YAP1: variants seen among roughly 807,000 people sequenced by gnomAD.
YAP1 encodes Yes1 associated transcriptional regulator.
Under a neutral mutation model 56.9 loss-of-function variants are expected in YAP1, and 5 were observed. The ratio of observed to expected loss-of-function variants is 0.09; its 90% confidence interval spans 0.05 to 0.18. The LOEUF (loss-of-function observed/expected upper bound fraction) is 0.18. YAP1 is among the 10% of genes least tolerant of loss of function. The pLI, the probability that YAP1 is intolerant of heterozygous loss-of-function variation, is 1.00. For synonymous variants in YAP1, 265 were observed against 248.1 expected (o/e 1.07, Z -0.64); for missense variants, 539 against 651.8 (o/e 0.83, Z 1.88).
At chr11:102,124,713 C>G (rs1382786796) in intron 2 of YAP1, among the ~76,000 whole-genome samples, 4 of 151,778 alleles carry the variant, frequency 2.6e-5, no homozygotes, top group African/African-American at 9.7e-5. Context: ...TTTAATTTTT[C>G]TGTTGATTTT....
intron 2 of YAP1, among the ~76,000 whole-genome samples, chr11:102,143,987 A>G (rs897790854): frequency 2.0e-5 from 3 of 152,216 alleles, no homozygotes; most frequent in Non-Finnish European, 4.4e-5. Flanking sequence ...AAAGACGTGT[A>G]AAGAAAACTA....
chr11:102,158,766 A>C (rs1008610253), intron 2 of YAP1, among the ~76,000 whole-genome samples: 4 of 152,354 alleles, frequency 2.6e-5, no homozygotes, highest in Middle Eastern at 3.4e-3. Flanking sequence ...ATAATCCTAA[A>C]CTTTGAAGAT....
chr11:102,137,549 T>C (rs73577900), intron 2 of YAP1, among the ~76,000 whole-genome samples: 12,322 of 152,256 alleles, frequency 0.081, 809 homozygotes, highest in African/African-American at 0.17. Context: ...TTTCATAAAC[T>C]TTTGAGAAAA....
At chr11:102,161,370 A>ACT (rs1946277467) in intron 2 of YAP1, among the ~76,000 whole-genome samples, 1 of 151,558 alleles carries the variant, frequency 6.6e-6, no homozygotes, top group African/African-American at 2.4e-5. Context: ...ACACACACAC[A>ACT]CACACACACA....
intron 6 of YAP1, among the ~76,000 whole-genome samples, chr11:102,216,397 C>CA (rs1353167187): frequency 2.0e-5 from 3 of 151,962 alleles, no homozygotes; most frequent in Non-Finnish European, 4.4e-5. Flanking sequence ...AATGTTTAAT[C>CA]AAAAATATAT....
At chr11:102,157,055 G>A (rs1334551498) in intron 2 of YAP1, among the ~76,000 whole-genome samples, 1 of 152,124 alleles carries the variant, frequency 6.6e-6, no homozygotes, top group Non-Finnish European at 1.5e-5. Flanking sequence ...TTGCTTTTAT[G>A]TATTTCTGCT....
At chr11:102,132,099 CAG>C (rs1028117634) in intron 2 of YAP1, among the ~76,000 whole-genome samples, 2 of 151,948 alleles carry the variant, frequency 1.3e-5, no homozygotes, top group Admixed American at 1.3e-4. Context: ...GCCTGGGCAA[CAG>C]AGCGAGACCC....
At chr11:102,166,248 A>G (rs563408805) in intron 3 of YAP1, among the ~76,000 whole-genome samples, 2 of 152,328 alleles carry the variant, frequency 1.3e-5, no homozygotes, top group Admixed American at 6.5e-5. Context: ...TCAAGTGCTG[A>G]GGGTACTGAT....
intron 2 of YAP1, among the ~76,000 whole-genome samples, chr11:102,119,851 AGCTT>A (rs1943542062): frequency 1.3e-5 from 2 of 152,212 alleles, no homozygotes; most frequent in Non-Finnish European, 2.9e-5. Context: ...TAGAAATTTA[AGCTT>A]AGGACCAATC....
At chr11:102,115,511 C>A (rs186886135) in intron 2 of YAP1, among the ~76,000 whole-genome samples, 2 of 151,932 alleles carry the variant, frequency 1.3e-5, no homozygotes, top group East Asian at 3.9e-4. Context: ...GACAGACTTA[C>A]AGAAGAGCAA....
At chr11:102,161,681 T>C (rs535841872) in intron 2 of YAP1, among the ~76,000 whole-genome samples, 1 of 152,316 alleles carries the variant, frequency 6.6e-6, no homozygotes, top group Admixed American at 6.5e-5. Flanking sequence ...TATCTAGTTT[T>C]TCTTTCATTG....
intron 6 of YAP1, 43 bp from the exon 7 acceptor site, chr11:102,223,579 G>A (rs1950055082): frequency 6.2e-7 from 1 of 1,601,572 alleles, no homozygotes; most frequent in East Asian, 2.2e-5. Flanking sequence ...CATTAAATGT[G>A]TTAATCAGTA....
intron 2 of YAP1, among the ~76,000 whole-genome samples, chr11:102,122,895 C>CAAAAAAAAAAAAAA (rs56934997): frequency 1.2e-3 from 97 of 79,450 alleles, no homozygotes; most frequent in Middle Eastern, 7.0e-3. Flanking sequence ...AGACTTCTCT[C>CAAAAAAAAAAAAAA]AAAAAAAAAA....
intron 4 of YAP1, among the ~76,000 whole-genome samples, chr11:102,199,631 T>A (rs888975651): frequency 6.6e-6 from 1 of 152,138 alleles, no homozygotes; most frequent in Non-Finnish European, 1.5e-5. Flanking sequence ...AGACAAAATA[T>A]TAAAACAAGA....
chr11:102,111,699 C>G (rs1264235555), intron 1 of YAP1, among the ~76,000 whole-genome samples: 2 of 152,282 alleles, frequency 1.3e-5, no homozygotes, highest in African/African-American at 4.8e-5. Flanking sequence ...CTTTCCTTTG[C>G]GGCCTCTCGG....
intron 2 of YAP1, among the ~76,000 whole-genome samples, chr11:102,134,865 T>G (rs1287466559): frequency 6.6e-6 from 1 of 151,972 alleles, no homozygotes; most frequent in East Asian, 1.9e-4. Context: ...CATGCCACCA[T>G]GCCAGCTAAT....
At position 102,162,462 on chromosome 11, in the gene YAP1, C is replaced by T. The variant is rs537251084; in HGVS notation, c.579C>T (p.Ile193=). ...SSGQRYFLNH[I]DQTTTWQDPR... ...GTGGTTTGTTTTGTCTTAGTCACATCGATCAGACAACAACATGGCAGGACC... is the reference window on the plus strand; with the variant it reads ...GTGGTTTGTTTTGTCTTAGTCACATTGATCAGACAACAACATGGCAGGACC... The change falls in exon 3 of 9, where the codon ATC becomes ATT. Residue 193 remains isoleucine (I), a synonymous_variant. Transcript: ENST00000282441. 30 of 1,613,790 alleles carry T rather than the reference C, an allele frequency of 1.9e-5. No homozygotes were observed. The South Asian group carries it at 2.2e-4, about 12-fold the overall frequency.
intron 2 of YAP1, among the ~76,000 whole-genome samples, chr11:102,143,896 A>C (rs1404283770): frequency 1.3e-5 from 2 of 152,222 alleles, no homozygotes; most frequent in Non-Finnish European, 2.9e-5. Flanking sequence ...TCCTGCTTGG[A>C]ATTTCCCACT....
At chr11:102,151,162 C>A (rs1945635004) in intron 2 of YAP1, among the ~76,000 whole-genome samples, 1 of 152,050 alleles carries the variant, frequency 6.6e-6, no homozygotes. Flanking sequence ...TAGAATAGTA[C>A]TTCTCAACAA....
Sources: allele counts gnomAD v4.1 joint callset (sites outside exome capture counted in the v4.1 genomes callset), GRCh38; gene constraint gnomAD v4.1.1; transcripts MANE v1.5; gene names NCBI Gene and HGNC (gene_info 2026-07-23, HGNC 2026-07-21).